KANSL1L: variants seen among roughly 807,000 people sequenced by gnomAD.
KANSL1L encodes KAT8 regulatory NSL complex subunit 1-like protein.
KANSL1L carries 25 observed loss-of-function variants against 108.6 expected under a neutral mutation model. The ratio of observed to expected loss-of-function variants is 0.23; its 90% CI spans 0.17 to 0.32. KANSL1L has a LOEUF of 0.32. Ranked by LOEUF, KANSL1L falls within the 10% of genes least tolerant of loss-of-function variation. KANSL1L has a pLI of 1.00. For synonymous variants in KANSL1L, 405 were observed against 395.1 expected (o/e 1.03, Z -0.30); for missense variants, 1,137 against 1,125.7 (o/e 1.01, Z -0.14).
rs902472241 is a variant in KANSL1L, at chr2:210,170,375, C to T, written c.-30+774G>A. 5.1e-6 allele frequency: 5 copies of T among 985,292 alleles called. No homozygotes were observed. The African/African-American group carries it at 8.7e-5, about 17-fold the overall frequency. 61.0% of individuals were successfully genotyped at this position (985,292 alleles called of 1,614,324 possible). On this transcript the variant is annotated intron_variant, in intron 1 of 14. Coordinates refer to ENST00000281772, the MANE Select transcript of KANSL1L (RefSeq NM_152519.4). ...AAAAAACAAACAAAAACGGACTCTCCCAGAGTAAGAAAACATTACAAGAAC... is the reference window on the plus strand; with the variant it reads ...AAAAAACAAACAAAAACGGACTCTCTCAGAGTAAGAAAACATTACAAGAAC...
At chr2:210,039,403 GAATT>G (rs1197365157) in intron 8 of KANSL1L, among the ~76,000 whole-genome samples, 1 of 151,812 alleles carries the variant, frequency 6.6e-6, no homozygotes, top group East Asian at 1.9e-4. Flanking sequence ...ATGTCTAACA[GAATT>G]TATTCCTTTA....
intron 3 of KANSL1L, among the ~76,000 whole-genome samples, chr2:210,107,630 G>A (rs2094862762): frequency 6.6e-6 from 1 of 151,426 alleles, no homozygotes; most frequent in Admixed American, 6.6e-5. Context: ...CCGGGTTCAC[G>A]CCATTCTCCT....
At chr2:210,041,873 C>T (rs1422595121) in intron 7 of KANSL1L, among the ~76,000 whole-genome samples, 1 of 152,026 alleles carries the variant, frequency 6.6e-6, no homozygotes, top group Non-Finnish European at 1.5e-5. Flanking sequence ...GAGTTTGTAC[C>T]AAGGGACAGA....
intron 6 of KANSL1L, among the ~76,000 whole-genome samples, chr2:210,047,721 T>A (rs1048226356): frequency 1.3e-5 from 2 of 152,214 alleles, no homozygotes; most frequent in African/African-American, 4.8e-5. Flanking sequence ...TCCTCTTGAA[T>A]TTTGGTCATG....
At chr2:210,038,726 T>G (rs1324708816) in intron 8 of KANSL1L, among the ~76,000 whole-genome samples, 1 of 151,788 alleles carries the variant, frequency 6.6e-6, no homozygotes, top group African/African-American at 2.4e-5. Context: ...AAAGAGTCGT[T>G]ATTTAATGCC....
At chr2:210,097,918 T>C (rs2125406679) in intron 5 of KANSL1L, 168 bp downstream of exon 5, 2 of 401,644 alleles carry the variant, frequency 5.0e-6, no homozygotes, top group East Asian at 9.4e-5. Context: ...CTTAATTGTG[T>C]AAATTTAATA....
chr2:210,057,294 C>G (rs142361634), intron 6 of KANSL1L, among the ~76,000 whole-genome samples: 20 of 152,214 alleles, frequency 1.3e-4, no homozygotes, highest in Middle Eastern at 3.4e-3. Flanking sequence ...CCCAGCTACT[C>G]AAGAGGCTGA....
intron 1 of KANSL1L, among the ~76,000 whole-genome samples, chr2:210,168,043 A>G (rs1688091243): frequency 6.6e-6 from 1 of 152,108 alleles, no homozygotes. Flanking sequence ...ACTAAAAGTA[A>G]TGTAAGATTG....
At chr2:210,046,296 C>T (rs745527561) in intron 6 of KANSL1L, among the ~76,000 whole-genome samples, 1 of 152,130 alleles carries the variant, frequency 6.6e-6, no homozygotes, top group Non-Finnish European at 1.5e-5. Context: ...ATATTTCATT[C>T]CATCCCAGCA....
intron 2 of KANSL1L, among the ~76,000 whole-genome samples, chr2:210,145,718 CAG>C (rs1390243754): frequency 6.6e-6 from 1 of 152,186 alleles, no homozygotes; most frequent in African/African-American, 2.4e-5. Context: ...GTCTGAGGCA[CAG>C]ATGTTGAAAG....
intron 5 of KANSL1L, among the ~76,000 whole-genome samples, chr2:210,077,438 G>A (rs973488350): frequency 5.9e-5 from 9 of 152,080 alleles, no homozygotes; most frequent in Non-Finnish European, 7.4e-5. Context: ...ATATCAAGGG[G>A]GAGCAGAAGG....
At chr2:210,157,222 C>G (rs2095338600) in intron 1 of KANSL1L, among the ~76,000 whole-genome samples, 1 of 152,106 alleles carries the variant, frequency 6.6e-6, no homozygotes, top group Non-Finnish European at 1.5e-5. Flanking sequence ...TGTTACAGCA[C>G]TCCTCAAAAG....
Position 210,154,345 on chromosome 2 carries a change from C to G in KANSL1L, c.238G>C (p.Val80Leu). 6.2e-7 allele frequency: 1 copy of G among 1,611,116 alleles called. No individual in the cohort carries two copies. ...SPQSSKHYQT[V>L]FLMRSNSTLN... ...GTAGAATTAGATCTCATTAAAAAAA[C>G]AGTCTGGTAATGTTTTGAAGACTGA... The change falls in exon 2 of 15, where the codon GTT becomes CTT. Residue 80 changes from valine to leucine, a missense_variant. Val to Leu is a conservative substitution (Grantham distance 32). Transcript: ENST00000281772.
Position 210,162,063 on chromosome 2 carries a change from TA to T in KANSL1L, c.-29-7453del, listed in dbSNP as rs779066763. ...AATATGGTGAGACCCTGTCTCTATT[TA>T]AAAAAAAAAAAAATATATATATATA... On this transcript the variant is annotated intron_variant, in intron 1 of 14. Coordinates refer to ENST00000281772, the MANE Select transcript of KANSL1L (RefSeq NM_152519.4). Among the ~76,000 whole-genome samples the T allele has an allele frequency of 6.6e-4, 74 of 112,918 alleles. No homozygotes were observed. In the East Asian group the frequency reaches 8.2e-3, roughly 13 times the overall value. 74.1% of individuals were successfully genotyped at this position (112,918 alleles called of 152,430 possible). A position where few individuals can be genotyped will look rare whatever the true frequency, so the allele number is the denominator to read the frequency against.
chr2:210,108,757 T>A (rs1575546476), intron 3 of KANSL1L, among the ~76,000 whole-genome samples: 1 of 152,178 alleles, frequency 6.6e-6, no homozygotes, highest in South Asian at 2.1e-4. Context: ...AAGTAACTAA[T>A]AAACTTTCAT....
intron 1 of KANSL1L, among the ~76,000 whole-genome samples, chr2:210,164,514 C>T (rs1484677569): frequency 1.3e-5 from 2 of 152,064 alleles, no homozygotes; most frequent in African/African-American, 4.8e-5. Flanking sequence ...ACTCTAGGCA[C>T]CACCATCATC....
intron 3 of KANSL1L, 43 bp from the exon 4 acceptor site, chr2:210,104,344 A>C (rs2094825521): frequency 1.4e-6 from 2 of 1,438,216 alleles, no homozygotes; most frequent in Non-Finnish European, 1.9e-6. Context: ...AAACAAACTT[A>C]TTATTAAGCC....
chr2:210,114,441 C>A (rs374525182), intron 3 of KANSL1L, among the ~76,000 whole-genome samples: 13 of 152,212 alleles, frequency 8.5e-5, no homozygotes, highest in African/African-American at 3.1e-4. Context: ...TACCAGTAGA[C>A]CTACTCTGCA....
chr2:210,075,251 AT>A (rs147045962), intron 6 of KANSL1L, among the ~76,000 whole-genome samples: 1,965 of 152,256 alleles, frequency 0.013, 17 homozygotes, highest in South Asian at 0.024. Flanking sequence ...TTGACAGTAC[AT>A]TTTAAAAATC....
Sources: gnomAD v4.1 joint callset for allele counts (sites outside exome capture counted in the v4.1 genomes callset) on GRCh38, gnomAD v4.1.1 for gene constraint, MANE v1.5 for transcripts, NCBI Gene and HGNC (gene_info 2026-07-23, HGNC 2026-07-21) for gene names.